Variants in CTBP1 observed in about 807,000 individuals in gnomAD.
CTBP1 encodes the protein C-terminal binding protein 1.
Under a neutral mutation model 42.1 loss-of-function variants are expected in CTBP1, and 11 were observed. The ratio of observed to expected loss-of-function variants is 0.26; its 90% CI spans 0.16 to 0.43. The LOEUF (loss-of-function observed/expected upper bound fraction) is 0.43. CTBP1 is among the 20% of genes least tolerant of loss of function. CTBP1 has a pLI of 1.00. For missense variants in CTBP1, 399 were observed against 624.3 expected (o/e 0.64, Z 3.85); for synonymous variants, 324 against 277.1 (o/e 1.17, Z -1.68).
At chr4:1,223,838 T>C (rs1438519112) in intron 5 of CTBP1, among the ~76,000 whole-genome samples, 1 of 152,076 alleles carries the variant, frequency 6.6e-6, no homozygotes, top group Non-Finnish European at 1.5e-5. Context: ...TGCACAAACA[T>C]GCACACGCTT....
upstream of CTBP1, chr4:1,249,418 G>A (rs1051256859): frequency 5.9e-5 from 9 of 152,612 alleles, no homozygotes; most frequent in African/African-American, 1.7e-4. Context: ...AGGACCCTGC[G>A]GGCCCGGAAG....
chr4:1,218,865 G>A (rs1422270410), intron 5 of CTBP1, among the ~76,000 whole-genome samples: 1 of 152,136 alleles, frequency 6.6e-6, no homozygotes, highest in African/African-American at 2.4e-5. Flanking sequence ...AAGAAGGCCA[G>A]AAAGGAAAAA....
In CTBP1 at chr4:1,228,295, T is replaced by A; in HGVS notation, c.211A>T (p.Thr71Ser). 1.2e-6 allele frequency: 2 copies of A among 1,613,954 alleles called. No homozygotes were observed. The highest frequency in any genetic ancestry group is 1.7e-6 in the Non-Finnish European group (2 of 1,179,942). The change falls in exon 4 of 10, where the codon ACC becomes TCC. Residue 71 changes from threonine (T) to serine (S), a missense_variant. Thr to Ser is a moderately conservative substitution (Grantham distance 58). Coordinates refer to ENST00000382952, the MANE Select transcript of CTBP1 (RefSeq NM_001012614.2). ...TTGAACTTCTCCAGGTCCTCCCTGG[T>A]GAGAGTGATGGTGTGGTACATCAGG... ...GALMYHTITL[T>S]REDLEKFKAL...
chr4:1,215,434 G>C, intron 6 of CTBP1: 1 of 202,996 alleles, frequency 4.9e-6, no homozygotes, highest in Non-Finnish European at 1.0e-5. Context: ...AGGGCCTGGA[G>C]CCAGCGGGAG....
intron 3 of CTBP1, among the ~76,000 whole-genome samples, chr4:1,228,634 G>A (rs1272921571): frequency 6.6e-6 from 1 of 152,178 alleles, no homozygotes; most frequent in Non-Finnish European, 1.5e-5. Flanking sequence ...TGTGGTGGCT[G>A]AGATGTCTCC....
At chr4:1,228,002 G>A (rs138007905) in intron 4 of CTBP1, among the ~76,000 whole-genome samples, 197 bp downstream of exon 4, 13 of 152,314 alleles carry the variant, frequency 8.5e-5, no homozygotes, top group African/African-American at 2.9e-4. Flanking sequence ...GAGAGGAAGT[G>A]CCCTGAGATG....
intron 5 of CTBP1, 48 bp downstream of exon 5, chr4:1,225,312 G>A (rs1414160673): frequency 1.3e-6 from 2 of 1,509,406 alleles, no homozygotes; most frequent in Non-Finnish European, 1.8e-6. Context: ...AAGAGCGGCA[G>A]CGCCAGACAC....
In CTBP1 at chr4:1,233,021, G is replaced by C. The variant is rs1029641482; in HGVS notation, c.163-4678C>G. On this transcript the variant is annotated intron_variant, in intron 3 of 9. Coordinates refer to ENST00000382952, the MANE Select transcript of CTBP1 (RefSeq NM_001012614.2). The surrounding 1 kb of genome is among the most constrained non-coding windows in gnomAD (Gnocchi z 4.6). The stretch of plus-strand genomic sequence containing the variant: ...ACCTGAGAGGGGGTCCTGGGGTCTG[G>C]ACATGCCCTGCGGGGGTCGCACTGC... 1 of 152,744 alleles carries C rather than the reference G, an allele frequency of 6.5e-6. No individual in the cohort carries two copies. The allele number at this position is 152,744 out of a possible 1,614,324, so 9.5% of individuals were successfully genotyped here. A position where few individuals can be genotyped will look rare whatever the true frequency, so the allele number is the denominator to read the frequency against.
rs1327946900 is a variant in CTBP1, at chr4:1,215,410, C to T, written c.729+581G>A. On this transcript the variant is annotated intron_variant, in intron 6 of 9. Transcript: ENST00000382952. ...ACACATACACATCACTGTGCACACA[C>T]GATGACTCCCTGAAGGGCCTGGAGC... is the stretch of plus-strand genomic sequence containing the variant. 5.6e-5 allele frequency: 11 copies of T among 196,840 alleles called. No individual in the cohort carries two copies. In the East Asian group the frequency reaches 6.6e-4, roughly 12 times the overall value. The allele number at this position is 196,840 out of a possible 1,614,324, so 12.2% of individuals were successfully genotyped here. A position where few individuals can be genotyped will look rare whatever the true frequency, so the allele number is the denominator to read the frequency against.
At chr4:1,242,543 G>A in intron 1 of CTBP1, 1 of 985,132 alleles carries the variant, frequency 1.0e-6, no homozygotes, top group South Asian at 4.7e-5. Flanking sequence ...CAGGATTCAA[G>A]CATACATGCC....
chr4:1,245,811 G>T (rs1162424038), intron 1 of CTBP1, among the ~76,000 whole-genome samples: 1 of 152,052 alleles, frequency 6.6e-6, no homozygotes, highest in Non-Finnish European at 1.5e-5. Context: ...CGGTGCCAGG[G>T]GAGGGTGCAG....
intron 5 of CTBP1, among the ~76,000 whole-genome samples, chr4:1,220,697 C>A (rs1269554176): frequency 1.3e-5 from 2 of 152,274 alleles, no homozygotes; most frequent in Non-Finnish European, 2.9e-5. Context: ...GACCCACTCA[C>A]ATGTGGCCAA....
chr4:1,243,846 C>T lies in CTBP1; in HGVS notation c.-188-2327G>A, dbSNP rs551229712. On this transcript the variant is annotated intron_variant, in intron 1 of 9. Coordinates refer to ENST00000382952, the MANE Select transcript of CTBP1 (RefSeq NM_001012614.2). The stretch of plus-strand genomic sequence containing the variant: ...CTTTTCCTCATCAAAAACTCACAGC[C>T]GCACACGGCTCTCAGCCCAGCGACA... 54 of 985,416 alleles carry T rather than the reference C, an allele frequency of 5.5e-5. No individual in the cohort carries two copies. The African/African-American group carries it at 9.2e-4, about 17-fold the overall frequency. The allele number at this position is 985,416 out of a possible 1,614,324, so 61.0% of individuals were successfully genotyped here.
In CTBP1 at chr4:1,220,500, G is replaced by T. The variant is rs1450334287; in HGVS notation, c.515-4295C>A. 2.0e-5 allele frequency among the ~76,000 whole-genome samples: 3 copies of T among 152,126 alleles called. No individual in the cohort carries two copies. In the South Asian group the frequency reaches 6.2e-4, roughly 32 times the overall value. On this transcript the variant is annotated intron_variant, in intron 5 of 9. Coordinates refer to ENST00000382952, the MANE Select transcript of CTBP1 (RefSeq NM_001012614.2). ...CAGCATTCCCAAAACTGATTTTAAG[G>T]ACTCAACAAAATGAAAATTGATGAG... is the stretch of plus-strand genomic sequence containing the variant.
Position 1,248,961 on chromosome 4 carries a change from GGC to G in CTBP1, c.-236_-235del. On this transcript the variant is annotated 5_prime_UTR_variant, in exon 1 of 10. Coordinates refer to ENST00000382952, the MANE Select transcript of CTBP1 (RefSeq NM_001012614.2). ...AGCAAGTGCGAGCTGCCCATCGAGA[GGC>G]GCGAGCGGCCGCGGGCCCCGACCAC... is the stretch of plus-strand genomic sequence containing the variant. The G allele has an allele frequency of 1.0e-6, 1 of 1,001,496 alleles. No individual in the cohort carries two copies. Among genetic ancestry groups the G allele is most frequent in the South Asian group, 3.4e-5 (1 of 29,224 alleles). The allele number at this position is 1,001,496 out of a possible 1,614,324, so 62.0% of individuals were successfully genotyped here. A position where few individuals can be genotyped will look rare whatever the true frequency, so the allele number is the denominator to read the frequency against.
chr4:1,238,791 C>A lies in CTBP1; in HGVS notation c.8-454G>T, dbSNP rs1731847008. On this transcript the variant is annotated intron_variant, in intron 2 of 9. Transcript: ENST00000382952. This position sits in a 1 kb window ranked among gnomAD's most constrained non-coding sequence, Gnocchi z 5.9. ...CACCTCCCGACCCTCCTAGGCCCTC[C>A]AAGACCCTCTGAGACCCCCCGAGAC... is the stretch of plus-strand genomic sequence containing the variant. 6.6e-6 allele frequency among the ~76,000 whole-genome samples: 1 copy of A among 151,452 alleles called. No homozygotes were observed. The highest frequency in any genetic ancestry group is 1.5e-5 in the Non-Finnish European group (1 of 67,818).
In CTBP1 at chr4:1,216,403, GC is replaced by G. The variant is rs1429016650; in HGVS notation, c.515-199del. ...CCGCTCCAACGCGCCCACTGCCAAG[GC>G]GGAGGAGATGCACAGGGGTGGAAAG... is the stretch of plus-strand genomic sequence containing the variant. On this transcript the variant is annotated intron_variant, in intron 5 of 9. Coordinates refer to ENST00000382952, the MANE Select transcript of CTBP1 (RefSeq NM_001012614.2). 4 of 614,806 alleles carry G rather than the reference GC, an allele frequency of 6.5e-6. No individual in the cohort carries two copies. The East Asian group carries it at 1.1e-4, about 17-fold the overall frequency. 38.1% of individuals were successfully genotyped at this position (614,806 alleles called of 1,614,324 possible). A position where few individuals can be genotyped will look rare whatever the true frequency, so the allele number is the denominator to read the frequency against.
intron 9 of CTBP1, 127 bp downstream of exon 9, chr4:1,212,786 C>T (rs934052848): frequency 2.5e-6 from 2 of 814,098 alleles, no homozygotes; most frequent in Non-Finnish European, 4.0e-6. Context: ...GTTGGCCTTA[C>T]CAATTCTACC....
chr4:1,238,288 C>T lies in CTBP1; in HGVS notation c.57G>A (p.Val19=), dbSNP rs1311378061. 2 of 1,598,066 alleles carry T rather than the reference C, an allele frequency of 1.3e-6. No homozygotes were observed. Among genetic ancestry groups the T allele is most frequent in the African/African-American group, 1.3e-5 (1 of 74,568 alleles). ...MNGPLHPRPL[V]ALLDGRDCTV... ...TGCAGTCCCGGCCATCCAGCAATGC[C>T]ACCAGGGGCCGCGGGTGCAGGGGCC... Residue 19 remains valine (V), a synonymous_variant, in exon 3 of 10, where the codon GTG becomes GTA. Coordinates refer to ENST00000382952, the MANE Select transcript of CTBP1 (RefSeq NM_001012614.2). The surrounding 1 kb of genome is among the most constrained non-coding windows in gnomAD (Gnocchi z 5.9).
Sources: gnomAD v4.1 joint callset for allele counts (sites outside exome capture counted in the v4.1 genomes callset) on GRCh38, gnomAD v4.1.1 for gene constraint, Gnocchi (gnomAD v3.1) non-coding constraint, MANE v1.5 for transcripts, NCBI Gene and HGNC (gene_info 2026-07-23, HGNC 2026-07-21) for gene names.